Variants in COP1 observed in about 807,000 individuals in gnomAD.
COP1 encodes the protein COP1 E3 ubiquitin ligase, also known as E3 ubiquitin-protein ligase COP1.
COP1 carries 24 observed loss-of-function variants against 101.3 expected under a neutral mutation model. That is an observed-to-expected ratio of 0.24 (90% CI 0.17 to 0.33). The LOEUF (loss-of-function observed/expected upper bound fraction) is 0.33, where lower values mean the gene tolerates loss of function less well. COP1 is among the 10% of genes least tolerant of loss of function. The pLI is 1.00. For synonymous variants in COP1, 347 were observed against 341.9 expected, an observed-to-expected ratio of 1.01 and a Z score of -0.17; for missense variants, 663 against 906.2, an observed-to-expected ratio of 0.73 and a Z score of 3.45.
chr1:176,109,136 T>C (rs1684859725), intron 9 of COP1, among the ~76,000 whole-genome samples: 1 of 151,998 alleles, frequency 6.6e-6, no homozygotes, highest in Non-Finnish European at 1.5e-5. Context: ...TAAATAAAAT[T>C]ATCAAAATTT....
intron 15 of COP1, among the ~76,000 whole-genome samples, chr1:176,015,710 G>A (rs1048224212): frequency 2.6e-5 from 4 of 152,150 alleles, no homozygotes; most frequent in Non-Finnish European, 5.9e-5. Context: ...AAAGAGAAGA[G>A]AAGGATGGAA....
chr1:176,146,720 G>C (rs530525463), intron 6 of COP1, among the ~76,000 whole-genome samples: 2 of 152,144 alleles, frequency 1.3e-5, no homozygotes, highest in Non-Finnish European at 2.9e-5. Flanking sequence ...CAGCTACTCT[G>C]AATCAAAATT....
chr1:175,949,243 T>C (rs1409770673), intron 18 of COP1, among the ~76,000 whole-genome samples: 8 of 124,350 alleles, frequency 6.4e-5, no homozygotes, highest in Non-Finnish European at 9.6e-5. Flanking sequence ...TGGAATATTA[T>C]GGGCTATTTC....
chr1:176,136,091 T>C (rs1167826511), intron 7 of COP1, among the ~76,000 whole-genome samples: 1 of 152,060 alleles, frequency 6.6e-6, no homozygotes, highest in Non-Finnish European at 1.5e-5. Context: ...AGAATATTGG[T>C]AATGTATTCT....
intron 18 of COP1, among the ~76,000 whole-genome samples, chr1:175,962,077 A>G (rs1219134787): frequency 6.6e-6 from 1 of 151,968 alleles, no homozygotes; most frequent in East Asian, 1.9e-4. Flanking sequence ...ATGGATAACA[A>G]AAGTCAGTGA....
chr1:175,966,280 T>TACACAC (rs66711924), intron 18 of COP1, among the ~76,000 whole-genome samples: 3,040 of 150,240 alleles, frequency 0.02, 88 homozygotes, highest in South Asian at 0.1. Context: ...GTGTTTGCAA[T>TACACAC]ACACACACAC....
chr1:176,090,684 G>A (rs918792001), intron 9 of COP1, among the ~76,000 whole-genome samples: 15 of 152,242 alleles, frequency 9.9e-5, no homozygotes, highest in Admixed American at 2.6e-4. Context: ...CAAAGTAGAA[G>A]AGAAATCTGA....
In COP1 at chr1:175,995,618, C is replaced by T. The variant is rs570325440; in HGVS notation, c.1730-6139G>A. ...CTACCATCAGAGAATACTACAAACA[C>T]CTCTACACAAATAAACTTGAAAATC... On this transcript the variant is annotated intron_variant, in intron 15 of 19. Coordinates refer to ENST00000367669, the MANE Select transcript of COP1 (RefSeq NM_022457.7). Among the ~76,000 whole-genome samples the T allele has an allele frequency of 5.9e-5, 9 of 152,320 alleles. No homozygotes were observed. In the South Asian group the frequency reaches 1.9e-3, roughly 32 times the overall value.
At chr1:176,102,274 G>A (rs896278482) in intron 9 of COP1, among the ~76,000 whole-genome samples, 9 of 151,780 alleles carry the variant, frequency 5.9e-5, no homozygotes, top group African/African-American at 1.5e-4. Flanking sequence ...TTTCCTTTTC[G>A]CCCAATAAAT....
intron 15 of COP1, among the ~76,000 whole-genome samples, chr1:175,994,836 T>C (rs1421309012): frequency 1.3e-5 from 2 of 152,076 alleles, no homozygotes; most frequent in East Asian, 1.9e-4. Flanking sequence ...GACAGATCAA[T>C]GAGACAGAAA....
At chr1:176,118,220 A>G (rs888412715) in intron 8 of COP1, among the ~76,000 whole-genome samples, 2 of 152,226 alleles carry the variant, frequency 1.3e-5, no homozygotes, top group Non-Finnish European at 2.9e-5. Context: ...ATGCATGTGA[A>G]GTTCACAGTA....
intron 15 of COP1, among the ~76,000 whole-genome samples, chr1:175,993,721 C>A (rs1194616380): frequency 6.6e-6 from 1 of 152,120 alleles, no homozygotes; most frequent in African/African-American, 2.4e-5. Context: ...ATGAGCAAAG[C>A]CTCCAAGAAA....
chr1:176,162,494 T>C (rs1250923907), intron 5 of COP1, among the ~76,000 whole-genome samples: 1 of 152,142 alleles, frequency 6.6e-6, no homozygotes, highest in Non-Finnish European at 1.5e-5. Flanking sequence ...TGTATGTAGA[T>C]AAAAATAATC....
chr1:176,160,140 G>A (rs520661), intron 5 of COP1: 63,627 of 214,462 alleles, frequency 0.3, 10,762 homozygotes, highest in East Asian at 0.51. Context: ...TCTTCAATTC[G>A]AAGCCAAAAA....
At chr1:175,994,038 G>A (rs4298691) in intron 15 of COP1, among the ~76,000 whole-genome samples, 124 of 152,294 alleles carry the variant, frequency 8.1e-4, no homozygotes, top group African/African-American at 3.0e-3. Context: ...AGACTAAGAG[G>A]GGATCTCTGG....
chr1:176,180,164 G>A (rs890424381), intron 2 of COP1, among the ~76,000 whole-genome samples: 1 of 152,004 alleles, frequency 6.6e-6, no homozygotes, highest in East Asian at 1.9e-4. Flanking sequence ...TTAAATGCAA[G>A]GATTTGTTTT....
chr1:176,130,780 GA>G (rs894393579), intron 8 of COP1, among the ~76,000 whole-genome samples: 66 of 151,202 alleles, frequency 4.4e-4, no homozygotes, highest in East Asian at 1.9e-4. Context: ...GGAAGTATAA[GA>G]AAAAAACAAT....
chr1:176,129,540 A>G (rs1043539543), intron 8 of COP1, among the ~76,000 whole-genome samples: 2 of 151,876 alleles, frequency 1.3e-5, no homozygotes, highest in African/African-American at 4.8e-5. Flanking sequence ...TTTATTTAGT[A>G]CTTGTATTTT....
rs1373781746 is a variant in COP1 at position 176,182,730 on chromosome 1, G to A, written c.467+1903C>T. Among the ~76,000 whole-genome samples, 3 of 152,340 alleles carry A rather than the reference G, an allele frequency of 2.0e-5. 1 individual carries two copies. The East Asian group carries it at 5.8e-4, about 29-fold the overall frequency. On this transcript the variant is annotated intron_variant, in intron 2 of 19. Coordinates refer to ENST00000367669, the MANE Select transcript of COP1 (RefSeq NM_022457.7). Reference sequence around the variant, plus strand: ...AAGAGAACACTACTGCCGAACAATGGCCTGAAAAGGCCAAGACCATACCTG... The same window carrying A: ...AAGAGAACACTACTGCCGAACAATGACCTGAAAAGGCCAAGACCATACCTG...
Sources: gnomAD v4.1 joint callset for allele counts (sites outside exome capture counted in the v4.1 genomes callset) on GRCh38, gnomAD v4.1.1 for gene constraint, MANE v1.5 for transcripts, NCBI Gene and HGNC (gene_info 2026-07-23, HGNC 2026-07-21) for gene names.